The following MROH9 variants were observed in gnomAD, a reference collection of about 807,000 sequenced individuals.
The protein encoded by MROH9 is maestro heat-like repeat-containing protein family member 9.
A neutral mutation model predicts 98.2 loss-of-function variants in MROH9; 92 were observed. That is an observed-to-expected ratio of 0.94 (90% CI 0.79 to 1.11). The LOEUF (loss-of-function observed/expected upper bound fraction) is 1.11. Among genes scored for constraint, MROH9 ranks in the 50% most tolerant of loss-of-function variants. MROH9 has a pLI of 0.00. For missense variants in MROH9, 1,057 were observed against 1,014.8 expected (o/e 1.04, Z -0.57); for synonymous variants, 397 against 368.9 (o/e 1.08, Z -0.87).
At chr1:170,937,230 A>C (rs550159764) in intron 1 of MROH9, among the ~76,000 whole-genome samples, 2 of 152,342 alleles carry the variant, frequency 1.3e-5, no homozygotes, top group South Asian at 2.1e-4. Context: ...ATACAACTGA[A>C]AATGCACTAA....
At chr1:171,005,969 A>C (rs1651940838) in intron 15 of MROH9, among the ~76,000 whole-genome samples, 1 of 152,250 alleles carries the variant, frequency 6.6e-6, no homozygotes, top group South Asian at 2.1e-4. Flanking sequence ...TTTACACACC[A>C]TCCCATATTA....
chr1:171,049,209 A>G (rs1653573617), intron 20 of MROH9, among the ~76,000 whole-genome samples: 1 of 152,102 alleles, frequency 6.6e-6, no homozygotes, highest in Non-Finnish European at 1.5e-5. Flanking sequence ...CTTCATAAGA[A>G]CCCAAAGTCA....
At chr1:171,002,132 C>T (rs182235529) in intron 15 of MROH9, among the ~76,000 whole-genome samples, 147 of 152,070 alleles carry the variant, frequency 9.7e-4, no homozygotes, top group Middle Eastern at 3.4e-3. Context: ...TATGTGAGTC[C>T]TTATGTGTTA....
intron 6 of MROH9, among the ~76,000 whole-genome samples, chr1:170,963,470 G>T (rs181875291): frequency 4.5e-4 from 69 of 152,000 alleles, no homozygotes; most frequent in Non-Finnish European, 4.9e-4. Context: ...CCAGCAATTC[G>T]ATTACTGGAT....
At chr1:170,984,238 G>A (rs1651043511) in intron 9 of MROH9, among the ~76,000 whole-genome samples, 1 of 152,138 alleles carries the variant, frequency 6.6e-6, no homozygotes, top group Non-Finnish European at 1.5e-5. Flanking sequence ...CATCTCTTGG[G>A]GTGGGAGGAT....
intron 3 of MROH9, 118 bp from the exon 4 acceptor site, chr1:170,958,343 A>G: frequency 2.0e-6 from 1 of 509,408 alleles, no homozygotes; most frequent in South Asian, 4.0e-5. Context: ...CATGTTTTCC[A>G]GTCTGATTTG....
At chr1:171,022,602 G>T (rs990294853) in intron 17 of MROH9, among the ~76,000 whole-genome samples, 24 of 152,088 alleles carry the variant, frequency 1.6e-4, no homozygotes, top group Non-Finnish European at 3.1e-4. Context: ...CACTTGGGGG[G>T]TGGGTGGCAA....
At chr1:170,995,673 G>GCATTCTACCATTCAGA in intron 13 of MROH9, 142 bp downstream of exon 13, 1 of 981,426 alleles carries the variant, frequency 1.0e-6, no homozygotes, top group Non-Finnish European at 1.5e-6. Flanking sequence ...TCCTCTGAAT[G>GCATTCTACCATTCAGA]GTAGAATGCC....
At chr1:170,940,761 C>T (rs1649089593) in intron 1 of MROH9, among the ~76,000 whole-genome samples, 1 of 152,142 alleles carries the variant, frequency 6.6e-6, no homozygotes, top group Non-Finnish European at 1.5e-5. Flanking sequence ...CAAATGACAA[C>T]CCCTGATTCA....
chr1:171,041,276 C>T (rs1653288550), intron 20 of MROH9, among the ~76,000 whole-genome samples: 1 of 150,536 alleles, frequency 6.6e-6, no homozygotes. Context: ...AGGCTAATGG[C>T]CTCCAGTTGC....
intron 20 of MROH9, among the ~76,000 whole-genome samples, chr1:171,026,781 G>A (rs1652727051): frequency 6.6e-6 from 1 of 152,080 alleles, no homozygotes. Flanking sequence ...AAAATATGTC[G>A]ATAGAGCAGA....
At chr1:171,020,465 A>G (rs1350069514) in intron 17 of MROH9, among the ~76,000 whole-genome samples, 3 of 152,222 alleles carry the variant, frequency 2.0e-5, no homozygotes, top group Non-Finnish European at 4.4e-5. Flanking sequence ...CAACATATAC[A>G]AATCAACAAA....
At chr1:171,057,447 C>T (rs149680487) in intron 20 of MROH9, among the ~76,000 whole-genome samples, 1 of 152,248 alleles carries the variant, frequency 6.6e-6, no homozygotes, top group Non-Finnish European at 1.5e-5. Flanking sequence ...AACAAAGCCT[C>T]CAGGAAACTG....
chr1:170,935,710 T>A (rs1032899309), intron 1 of MROH9, 123 bp downstream of exon 1: 2 of 151,934 alleles, frequency 1.3e-5, no homozygotes, highest in Non-Finnish European at 2.9e-5. Flanking sequence ...GAAAATTACG[T>A]TATGGCCCAG....
At chr1:170,947,292 G>T (rs963249270) in intron 2 of MROH9, among the ~76,000 whole-genome samples, 1 of 151,838 alleles carries the variant, frequency 6.6e-6, no homozygotes, top group African/African-American at 2.4e-5. Context: ...TACTACTTGG[G>T]TATAGGCTTT....
At chr1:170,955,432 A>G (rs913098881) in intron 3 of MROH9, among the ~76,000 whole-genome samples, 3 of 152,118 alleles carry the variant, frequency 2.0e-5, no homozygotes, top group African/African-American at 7.2e-5. Context: ...TTACATTTCC[A>G]CCAGCAGTGT....
rs920299257 is a variant in MROH9, at chr1:170,938,270, C to T, written c.-38+2683C>T. ...CCCTCCAGAACTGAGATCTCTAAGCCAGCAGAGCATAATGCCACAAGAACA... is the reference window on the plus strand; with the variant it reads ...CCCTCCAGAACTGAGATCTCTAAGCTAGCAGAGCATAATGCCACAAGAACA... On this transcript the variant is annotated intron_variant, in intron 1 of 21. Transcript: ENST00000367759. 3.3e-5 allele frequency among the ~76,000 whole-genome samples: 5 copies of T among 152,272 alleles called. No individual in the cohort carries two copies. The East Asian group carries it at 9.7e-4, about 29-fold the overall frequency.
Position 170,958,536 on chromosome 1 carries a change from TC to T in MROH9, c.150del (p.Ser51AlafsTer13). The part of the protein sequence containing the change: ...SNESMILAVN[S>X]SFVDPLLQFE... ...TGAATCCATGATCCTGGCTGTGAACTCCAGGTATGATAAGCTATCATGCTCT... is the reference window on the plus strand; with the variant it reads ...TGAATCCATGATCCTGGCTGTGAACTCAGGTATGATAAGCTATCATGCTCT... On this transcript the variant is annotated frameshift_variant, in exon 4 of 22. Coordinates refer to ENST00000367759, the MANE Select transcript of MROH9 (RefSeq NM_001163629.2). LOFTEE classifies it high-confidence loss of function. The T allele has an allele frequency of 6.3e-7, 1 of 1,582,700 alleles. No homozygotes were observed. The highest frequency in any genetic ancestry group is 8.6e-7 in the Non-Finnish European group (1 of 1,156,884).
At chr1:170,939,944 T>A (rs535925181) in intron 1 of MROH9, among the ~76,000 whole-genome samples, 3 of 152,220 alleles carry the variant, frequency 2.0e-5, no homozygotes, top group Non-Finnish European at 4.4e-5. Context: ...CACTGATGCA[T>A]CAAGCACCAC....
Sources: gnomAD v4.1 joint callset for allele counts (sites outside exome capture counted in the v4.1 genomes callset) on GRCh38, gnomAD v4.1.1 for gene constraint, MANE v1.5 for transcripts, NCBI Gene and HGNC (gene_info 2026-07-23, HGNC 2026-07-21) for gene names.